The following ZBTB38 variants were observed in gnomAD, a reference collection of about 807,000 sequenced individuals.
The protein encoded by ZBTB38 is zinc finger and BTB domain-containing protein 38.
A neutral mutation model predicts 76.8 loss-of-function variants in ZBTB38; 20 were observed. The observed-to-expected ratio is 0.26, with a 90% CI of 0.18 to 0.38. The LOEUF is 0.38. Among genes scored for constraint, ZBTB38 ranks in the 10% least tolerant of loss-of-function variants. The pLI is 1.00. For missense variants in ZBTB38, 1,082 were observed against 1,482.3 expected, an observed-to-expected ratio of 0.73 and a Z score of 4.43; for synonymous variants, 504 against 544.2, an observed-to-expected ratio of 0.93 and a Z score of 1.03.
intron 4 of ZBTB38, among the ~76,000 whole-genome samples, chr3:141,399,157 A>G (rs1208555610): frequency 6.7e-6 from 1 of 149,980 alleles, no homozygotes; most frequent in Non-Finnish European, 1.5e-5. Context: ...TCAACATTTC[A>G]TAGATTTTAT....
intron 1 of ZBTB38, among the ~76,000 whole-genome samples, chr3:141,325,132 G>A (rs1303001158): frequency 6.6e-6 from 1 of 152,202 alleles, no homozygotes. Flanking sequence ...AGAATTGACT[G>A]CAACTGGTCC....
At position 141,449,353 on chromosome 3, in the gene ZBTB38, T is replaced by G. The variant is rs1247450324; in HGVS notation, c.*3377T>G. ...CAGCTTCCCCTGAATTGGGCTTCCC[T>G]TATATCTCAGGAGATTGCCCTATAA... On this transcript the variant is annotated 3_prime_UTR_variant, in exon 6 of 6. Transcript: ENST00000321464. 6.6e-6 allele frequency: 1 copy of G among 152,248 alleles called. No individual in the cohort carries two copies. Among genetic ancestry groups the G allele is most frequent in the Non-Finnish European group, 1.5e-5 (1 of 68,036 alleles). The allele number at this position is 152,248 out of a possible 1,614,324, so 9.4% of individuals were successfully genotyped here.
chr3:141,358,757 A>G (rs938992597), intron 1 of ZBTB38, among the ~76,000 whole-genome samples: 4 of 152,134 alleles, frequency 2.6e-5, no homozygotes, highest in Admixed American at 2.6e-4. Flanking sequence ...CTAAGCAACC[A>G]CTAATCTATT....
chr3:141,430,509 G>T (rs1374692989), intron 5 of ZBTB38, among the ~76,000 whole-genome samples: 1 of 152,220 alleles, frequency 6.6e-6, no homozygotes, highest in East Asian at 1.9e-4. Context: ...CCTGCCAGGT[G>T]CCATGGACCA....
intron 1 of ZBTB38, among the ~76,000 whole-genome samples, chr3:141,359,178 C>T (rs997594763): frequency 6.6e-6 from 1 of 152,258 alleles, no homozygotes; most frequent in Non-Finnish European, 1.5e-5. Context: ...CCACCTTTCT[C>T]TTCACCATCT....
chr3:141,353,933 A>G (rs1409256722), intron 1 of ZBTB38, among the ~76,000 whole-genome samples: 2 of 152,098 alleles, frequency 1.3e-5, no homozygotes, highest in African/African-American at 4.8e-5. Context: ...ATCATCAGCT[A>G]ACTGCTGCAG....
At chr3:141,419,296 C>T (rs1213641006) in intron 5 of ZBTB38, among the ~76,000 whole-genome samples, 1 of 152,190 alleles carries the variant, frequency 6.6e-6, no homozygotes. Flanking sequence ...CCACCAGGCC[C>T]CTCCTCCAGT....
chr3:141,359,419 A>G (rs933162294), intron 1 of ZBTB38, among the ~76,000 whole-genome samples: 5 of 152,214 alleles, frequency 3.3e-5, no homozygotes, highest in African/African-American at 7.2e-5. Context: ...GCATGTGCCT[A>G]TCTGCCATTG....
Position 141,449,478 on chromosome 3 carries a change from G to C in ZBTB38, c.*3502G>C, listed in dbSNP as rs1345309540. 6.6e-6 allele frequency: 1 copy of C among 152,106 alleles called. No individual in the cohort carries two copies. Among genetic ancestry groups the C allele is most frequent in the South Asian group, 2.1e-4 (1 of 4,824 alleles). The allele number at this position is 152,106 out of a possible 1,614,324, so 9.4% of individuals were successfully genotyped here. On this transcript the variant is annotated 3_prime_UTR_variant, in exon 6 of 6. Coordinates refer to ENST00000321464, the MANE Select transcript of ZBTB38 (RefSeq NM_001376113.1). ...CACAAAGAAAAAAATACGTTCCGTCGTCACAGACTCTACTCCTAAACTTAG... is the reference window on the plus strand; with the variant it reads ...CACAAAGAAAAAAATACGTTCCGTCCTCACAGACTCTACTCCTAAACTTAG...
intron 2 of ZBTB38, among the ~76,000 whole-genome samples, chr3:141,371,412 G>A (rs972377724): frequency 6.6e-6 from 1 of 151,816 alleles, no homozygotes; most frequent in African/African-American, 2.4e-5. Context: ...GAGTGCAGTG[G>A]CACGATCATG....
intron 5 of ZBTB38, among the ~76,000 whole-genome samples, chr3:141,412,976 G>A (rs960345433): frequency 5.9e-5 from 9 of 152,296 alleles, no homozygotes; most frequent in South Asian, 2.1e-4. Flanking sequence ...ATGAAGAGGC[G>A]ACTTTCACAA....
chr3:141,377,065 C>T (rs1362184121), intron 2 of ZBTB38, among the ~76,000 whole-genome samples: 2 of 152,244 alleles, frequency 1.3e-5, no homozygotes, highest in Non-Finnish European at 2.9e-5. Context: ...TGTTCCTGCC[C>T]CACAGCTGTC....
intron 5 of ZBTB38, among the ~76,000 whole-genome samples, chr3:141,425,303 T>C (rs915264714): frequency 1.3e-5 from 2 of 152,244 alleles, no homozygotes; most frequent in African/African-American, 2.4e-5. Flanking sequence ...CCCCATCATA[T>C]GGTAACTCTA....
At chr3:141,336,929 A>G (rs1174427875) in intron 1 of ZBTB38, among the ~76,000 whole-genome samples, 1 of 152,220 alleles carries the variant, frequency 6.6e-6, no homozygotes, top group Non-Finnish European at 1.5e-5. Flanking sequence ...AAATTCCTTC[A>G]TTTTACTTCA....
At chr3:141,402,427 C>G (rs1341466767) in intron 4 of ZBTB38, 2 of 151,372 alleles carry the variant, frequency 1.3e-5, no homozygotes, top group Non-Finnish European at 1.5e-5. Context: ...GGAAACGCGC[C>G]GGCGGCGAAG....
intron 4 of ZBTB38, among the ~76,000 whole-genome samples, chr3:141,398,745 A>T (rs967474605): frequency 6.6e-6 from 1 of 152,114 alleles, no homozygotes; most frequent in South Asian, 2.1e-4. Context: ...TATTTTTTAA[A>T]TGTGGATTAC....
intron 5 of ZBTB38, among the ~76,000 whole-genome samples, chr3:141,405,921 T>C (rs751056454): frequency 5.1e-4 from 78 of 152,208 alleles, no homozygotes; most frequent in Non-Finnish European, 1.2e-4. Context: ...CTTTTATCCC[T>C]GGCAGTCAAG....
chr3:141,328,806 A>G (rs1170907874), intron 1 of ZBTB38, among the ~76,000 whole-genome samples: 1 of 151,632 alleles, frequency 6.6e-6, no homozygotes, highest in Non-Finnish European at 1.5e-5. Context: ...TTCCCTCCTC[A>G]TCTCCTTTCA....
At chr3:141,375,625 A>T (rs1176345196) in intron 2 of ZBTB38, among the ~76,000 whole-genome samples, 3 of 152,276 alleles carry the variant, frequency 2.0e-5, no homozygotes, top group African/African-American at 7.2e-5. Context: ...CAGCATCACA[A>T]GAGCAGAGTA....
Sources: gnomAD v4.1 joint callset for allele counts (sites outside exome capture counted in the v4.1 genomes callset) on GRCh38, gnomAD v4.1.1 for gene constraint, MANE v1.5 for transcripts, NCBI Gene and HGNC (gene_info 2026-07-23, HGNC 2026-07-21) for gene names.